MEIS2: variants seen among roughly 807,000 people sequenced by gnomAD.
MEIS2 encodes homeobox protein Meis2.
A neutral mutation model predicts 58.6 loss-of-function variants in MEIS2; 9 were observed. That is an observed-to-expected ratio of 0.15 (90% CI 0.09 to 0.27). The LOEUF (loss-of-function observed/expected upper bound fraction) is 0.27, where lower values mean the gene tolerates loss of function less well. Among genes scored for constraint, MEIS2 ranks in the 10% least tolerant of loss-of-function variants. MEIS2 has a pLI of 1.00. For synonymous variants in MEIS2, 221 were observed against 228.4 expected (o/e 0.97, Z 0.29); for missense variants, 427 against 635.0 (o/e 0.67, Z 3.52).
intron 9 of MEIS2, among the ~76,000 whole-genome samples, chr15:36,910,866 GAAACCCTGTCTCTACTAAAAATACAAAA>G (rs2056979874): frequency 1.3e-5 from 2 of 152,096 alleles, no homozygotes; most frequent in South Asian, 2.1e-4. Flanking sequence ...CCAACATAGT[GAAACCCTGTCTCTACTAAAAATACAAAA>G]AATTAGCCAG....
At chr15:37,011,093 G>A (rs1246118721) in intron 8 of MEIS2, among the ~76,000 whole-genome samples, 2 of 152,202 alleles carry the variant, frequency 1.3e-5, no homozygotes, top group Non-Finnish European at 2.9e-5. Context: ...ATGTCATGTA[G>A]TCTATAGACC....
At chr15:37,032,338 G>C (rs1412886321) in intron 8 of MEIS2, among the ~76,000 whole-genome samples, 1 of 152,160 alleles carries the variant, frequency 6.6e-6, no homozygotes, top group Non-Finnish European at 1.5e-5. Flanking sequence ...GGAGGTGCCC[G>C]AGGGCCTAAT....
intron 11 of MEIS2, among the ~76,000 whole-genome samples, chr15:36,893,809 T>C (rs749992445): frequency 3.0e-4 from 46 of 152,186 alleles, no homozygotes; most frequent in Non-Finnish European, 6.0e-4. Flanking sequence ...GGTGACCCCC[T>C]GAGCTCCCCT....
chr15:37,057,872 A>G (rs879817710), intron 7 of MEIS2, among the ~76,000 whole-genome samples: 1 of 152,136 alleles, frequency 6.6e-6, no homozygotes. Context: ...GGCATCAGAG[A>G]GTTAGAGAAC....
intron 9 of MEIS2, among the ~76,000 whole-genome samples, chr15:36,927,705 A>G (rs949874919): frequency 3.8e-5 from 5 of 130,536 alleles, no homozygotes; most frequent in Non-Finnish European, 5.4e-5. Context: ...TAGACTATAG[A>G]GGAAGTGACC....
chr15:37,062,633 C>G (rs574550141), intron 7 of MEIS2, among the ~76,000 whole-genome samples: 1 of 152,274 alleles, frequency 6.6e-6, no homozygotes, highest in South Asian at 2.1e-4. Flanking sequence ...TCTACAACTT[C>G]CCAGGAGAAA....
rs958685963 is a variant in MEIS2 at position 36,948,659 on chromosome 15, C to A, written c.977+1665G>T. ...TTAGCTCAGTCTGGTAATCAGTATG[C>A]TATAAAAGAATGTGCAGAGCAAACA... On this transcript the variant is annotated intron_variant, in intron 9 of 11. Transcript: ENST00000561208. 3.3e-5 allele frequency among the ~76,000 whole-genome samples: 5 copies of A among 151,892 alleles called. No homozygotes were observed. In the South Asian group the frequency reaches 1.0e-3, roughly 31 times the overall value.
chr15:36,989,983 C>A (rs1011128971), intron 8 of MEIS2, among the ~76,000 whole-genome samples: 4 of 152,110 alleles, frequency 2.6e-5, no homozygotes, highest in Non-Finnish European at 5.9e-5. Flanking sequence ...CTCACTCTGT[C>A]GCCCAGGCTG....
At chr15:36,915,577 T>C (rs1043941380) in intron 9 of MEIS2, among the ~76,000 whole-genome samples, 1 of 152,198 alleles carries the variant, frequency 6.6e-6, no homozygotes, top group Non-Finnish European at 1.5e-5. Flanking sequence ...CCCACCTATA[T>C]GCTGTCATCT....
intron 8 of MEIS2, among the ~76,000 whole-genome samples, chr15:36,979,485 A>T (rs1017686454): frequency 6.6e-6 from 1 of 151,972 alleles, no homozygotes; most frequent in Non-Finnish European, 1.5e-5. Flanking sequence ...GGTGAAAATG[A>T]CATCGTATTT....
intron 9 of MEIS2, among the ~76,000 whole-genome samples, chr15:36,917,290 T>C (rs911793841): frequency 3.3e-5 from 5 of 152,212 alleles, no homozygotes; most frequent in Admixed American, 2.6e-4. Flanking sequence ...TTTTCACTTA[T>C]CTAAATTTGA....
At chr15:36,908,471 C>T (rs1478401268) in intron 9 of MEIS2, among the ~76,000 whole-genome samples, 2 of 151,982 alleles carry the variant, frequency 1.3e-5, no homozygotes, top group Non-Finnish European at 2.9e-5. Flanking sequence ...CCCACAAAGC[C>T]GTCATCTACA....
upstream of MEIS2, chr15:37,100,570 G>A (rs1319745043): frequency 3.3e-5 from 5 of 151,592 alleles, no homozygotes; most frequent in African/African-American, 9.7e-5. Context: ...CCCCGGCTGG[G>A]GGGGTGGGGG....
Position 37,098,019 on chromosome 15 carries a change from T to C in MEIS2, c.193A>G (p.Met65Val). The C allele has an allele frequency of 1.2e-6, 2 of 1,612,716 alleles. No individual in the cohort carries two copies. Among genetic ancestry groups the C allele is most frequent in the Non-Finnish European group, 1.7e-6 (2 of 1,179,192 alleles). ...AAGGCGTCGTTGACAGCGGATCCCATACTGGCCGGCATGACATTGGGGTGC... is the reference window on the plus strand; with the variant it reads ...AAGGCGTCGTTGACAGCGGATCCCACACTGGCCGGCATGACATTGGGGTGC... ...APHPNVMPAS[M>V]GSAVNDALKR... The change falls in exon 2 of 12, where the codon ATG (methionine) becomes GTG (valine). Residue 65 changes from methionine (M) to valine (V), a missense_variant. By Grantham distance (21) the Met-to-Val change is conservative. This residue lies in a region of MEIS2 where 103 missense variants were observed against 111.8 expected (regional missense o/e 0.92). Transcript: ENST00000561208.
chr15:36,959,408 G>C (rs918015966), intron 8 of MEIS2, among the ~76,000 whole-genome samples: 4 of 152,132 alleles, frequency 2.6e-5, no homozygotes, highest in African/African-American at 4.8e-5. Flanking sequence ...CTTGAGAGTA[G>C]AGACTGGCTA....
chr15:37,013,337 G>A (rs2061230227), intron 8 of MEIS2, among the ~76,000 whole-genome samples: 1 of 152,080 alleles, frequency 6.6e-6, no homozygotes, highest in Non-Finnish European at 1.5e-5. Flanking sequence ...TTAGGAGGCC[G>A]AGGTGGATGG....
chr15:36,922,234 C>A (rs2057540939), intron 9 of MEIS2, among the ~76,000 whole-genome samples: 1 of 152,146 alleles, frequency 6.6e-6, no homozygotes, highest in East Asian at 1.9e-4. Context: ...AGCCCTCAAG[C>A]CTGGAAGAGT....
intron 9 of MEIS2, among the ~76,000 whole-genome samples, chr15:36,912,891 A>G (rs896892469): frequency 2.0e-5 from 3 of 151,908 alleles, no homozygotes; most frequent in Non-Finnish European, 2.9e-5. Flanking sequence ...CAGTGTAAAC[A>G]GAAAATGGTG....
intron 6 of MEIS2, among the ~76,000 whole-genome samples, chr15:37,087,678 G>A (rs577517401): frequency 1.3e-5 from 2 of 152,100 alleles, no homozygotes; most frequent in African/African-American, 4.8e-5. Context: ...GGAGTCTCTG[G>A]GCATAGGAAG....
Sources: allele counts gnomAD v4.1 joint callset (sites outside exome capture counted in the v4.1 genomes callset), GRCh38; gene constraint gnomAD v4.1.1; regional missense constraint gnomAD v4.1.1; transcripts MANE v1.5; gene names NCBI Gene and HGNC (gene_info 2026-07-23, HGNC 2026-07-21).